GPC5: variants seen among roughly 807,000 people sequenced by gnomAD.
The protein encoded by GPC5 is glypican 5.
A neutral mutation model predicts 53.9 loss-of-function variants in GPC5; 47 were observed. That is an observed-to-expected ratio of 0.87 (90% CI 0.69 to 1.11). The LOEUF is 1.11. Ranked by LOEUF, GPC5 falls within the 50% of genes most tolerant of loss-of-function variation. The pLI is 0.00. For synonymous variants in GPC5, 286 were observed against 263.3 expected (o/e 1.09, Z -0.84); for missense variants, 748 against 713.1 (o/e 1.05, Z -0.56).
intron 5 of GPC5, among the ~76,000 whole-genome samples, chr13:91,809,708 T>C (rs2038280059): frequency 6.6e-6 from 1 of 152,084 alleles, no homozygotes; most frequent in Non-Finnish European, 1.5e-5. Flanking sequence ...GTTTTTTTAA[T>C]AAAGAGAAAT....
chr13:92,304,567 TATC>T (rs2043098389), intron 7 of GPC5, among the ~76,000 whole-genome samples: 1 of 127,998 alleles, frequency 7.8e-6, no homozygotes, highest in Admixed American at 7.3e-5. Context: ...TAAATAGGGA[TATC>T]ATTTTATGGT....
chr13:91,953,814 G>C (rs1314199277), intron 6 of GPC5, among the ~76,000 whole-genome samples: 1 of 152,012 alleles, frequency 6.6e-6, no homozygotes, highest in Non-Finnish European at 1.5e-5. Flanking sequence ...CTTTCATAAG[G>C]GCACTAACCA....
chr13:92,405,407 AT>A (rs1040317842), intron 7 of GPC5, among the ~76,000 whole-genome samples: 3 of 152,180 alleles, frequency 2.0e-5, no homozygotes, highest in African/African-American at 7.2e-5. Flanking sequence ...GGGAATCAAC[AT>A]TTTTTTGTCA....
chr13:91,784,687 G>C (rs1440981134), intron 5 of GPC5, among the ~76,000 whole-genome samples: 1 of 144,578 alleles, frequency 6.9e-6, no homozygotes, highest in African/African-American at 2.7e-5. Context: ...TTGCACCATT[G>C]AACCCCAGCT....
intron 4 of GPC5, among the ~76,000 whole-genome samples, chr13:91,741,429 T>A (rs963711096): frequency 1.3e-5 from 2 of 152,334 alleles, no homozygotes; most frequent in East Asian, 1.9e-4. Context: ...TCATTCAGAA[T>A]GTCACTGTCA....
At chr13:92,354,437 A>G (rs1445314344) in intron 7 of GPC5, among the ~76,000 whole-genome samples, 1 of 152,196 alleles carries the variant, frequency 6.6e-6, no homozygotes, top group Admixed American at 6.5e-5. Context: ...ATTTTGACTA[A>G]TCAACAGTAG....
chr13:91,711,089 A>G (rs1486500202), intron 3 of GPC5, among the ~76,000 whole-genome samples: 1 of 152,196 alleles, frequency 6.6e-6, no homozygotes, highest in Non-Finnish European at 1.5e-5. Flanking sequence ...TTGACCCAGC[A>G]TTCCCATTGC....
intron 3 of GPC5, among the ~76,000 whole-genome samples, chr13:91,706,352 T>C (rs2036105960): frequency 6.6e-6 from 1 of 152,132 alleles, no homozygotes; most frequent in South Asian, 2.1e-4. Flanking sequence ...CAAAAAGTTC[T>C]TGTTTTATCT....
chr13:91,715,412 C>A (rs1023125490), intron 3 of GPC5, among the ~76,000 whole-genome samples: 12 of 152,180 alleles, frequency 7.9e-5, no homozygotes, highest in African/African-American at 1.9e-4. Flanking sequence ...TGGATATATT[C>A]TTGAAATACA....
intron 7 of GPC5, among the ~76,000 whole-genome samples, chr13:92,440,137 G>T (rs1877486060): frequency 6.6e-6 from 1 of 152,142 alleles, no homozygotes; most frequent in Non-Finnish European, 1.5e-5. Flanking sequence ...GGGTTCATAT[G>T]CAGGTGCATT....
At chr13:92,842,823 T>C (rs1878476536) in intron 7 of GPC5, among the ~76,000 whole-genome samples, 1 of 152,116 alleles carries the variant, frequency 6.6e-6, no homozygotes, top group South Asian at 2.1e-4. Context: ...ATTGCTGAGA[T>C]AAAAACAATT....
intron 4 of GPC5, among the ~76,000 whole-genome samples, chr13:91,736,264 G>C (rs150724272): frequency 6.6e-6 from 1 of 151,248 alleles, no homozygotes; most frequent in African/African-American, 2.5e-5. Flanking sequence ...TGAACCTTCT[G>C]TATCTGAGAA....
intron 7 of GPC5, among the ~76,000 whole-genome samples, chr13:92,821,030 T>G (rs1877655936): frequency 6.6e-6 from 1 of 152,132 alleles, no homozygotes; most frequent in African/African-American, 2.4e-5. Context: ...GTATTAAGAC[T>G]TGAGCTTTCT....
intron 7 of GPC5, among the ~76,000 whole-genome samples, chr13:92,812,421 T>C (rs916529918): frequency 6.6e-6 from 1 of 151,786 alleles, no homozygotes; most frequent in South Asian, 2.1e-4. Flanking sequence ...GGCATAAAAA[T>C]AGAACAAAGA....
chr13:92,385,513 T>C (rs963155092), intron 7 of GPC5, among the ~76,000 whole-genome samples: 1 of 136,396 alleles, frequency 7.3e-6, no homozygotes, highest in African/African-American at 2.8e-5. Context: ...TATACATATA[T>C]ACATACATAT....
chr13:92,157,970 A>T (rs2041957748), intron 7 of GPC5, among the ~76,000 whole-genome samples: 1 of 152,228 alleles, frequency 6.6e-6, no homozygotes, highest in Non-Finnish European at 1.5e-5. Context: ...ACTGTAAAAA[A>T]TACATAAAAT....
At chr13:92,665,593 G>A (rs1327806381) in intron 7 of GPC5, among the ~76,000 whole-genome samples, 2 of 152,148 alleles carry the variant, frequency 1.3e-5, no homozygotes, top group Non-Finnish European at 2.9e-5. Flanking sequence ...TTGAAGGGTT[G>A]TCCGTGGGAC....
At chr13:91,566,573 C>CA (rs917075723) in intron 2 of GPC5, among the ~76,000 whole-genome samples, 1 of 152,056 alleles carries the variant, frequency 6.6e-6, no homozygotes, top group Non-Finnish European at 1.5e-5. Flanking sequence ...AAAACAAAAA[C>CA]AAAAAAATTT....
At chr13:92,710,793 A>C (rs148789721) in intron 7 of GPC5, among the ~76,000 whole-genome samples, 217 of 152,340 alleles carry the variant, frequency 1.4e-3, no homozygotes, top group African/African-American at 4.9e-3. Context: ...TGAAACAATG[A>C]ACTATAAAAG....
Sources: gnomAD v4.1 joint callset for allele counts (sites outside exome capture counted in the v4.1 genomes callset) on GRCh38, gnomAD v4.1.1 for gene constraint, MANE v1.5 for transcripts, NCBI Gene and HGNC (gene_info 2026-07-23, HGNC 2026-07-21) for gene names.